The following MROH1 variants were observed in gnomAD, a reference collection of about 807,000 sequenced individuals.
MROH1 encodes maestro heat like repeat family member 1.
Under a neutral mutation model 116.5 loss-of-function variants are expected in MROH1, and 117 were observed. The ratio of observed to expected loss-of-function variants is 1.00; its 90% CI spans 0.86 to 1.17. The LOEUF (loss-of-function observed/expected upper bound fraction) is 1.17, where lower values mean the gene tolerates loss of function less well. Among genes scored for constraint, MROH1 ranks in the 50% most tolerant of loss-of-function variants. MROH1 has a pLI of 0.00. For missense variants in MROH1, 1,873 were observed against 1,338.5 expected (o/e 1.40, Z -6.23); for synonymous variants, 921 against 583.9 (o/e 1.58, Z -8.32).
intron 3 of MROH1, among the ~76,000 whole-genome samples, chr8:144,164,576 T>C (rs1820336242): frequency 1.3e-5 from 2 of 151,770 alleles, no homozygotes; most frequent in Admixed American, 1.3e-4. Flanking sequence ...AGAAGTATTT[T>C]TCATAGAGAT....
chr8:144,185,150 C>G (rs1034909463), intron 7 of MROH1, among the ~76,000 whole-genome samples: 1 of 152,310 alleles, frequency 6.6e-6, no homozygotes, highest in African/African-American at 2.4e-5. Flanking sequence ...TGCAGTGTGT[C>G]GCTCCTGCAG....
chr8:144,254,427 C>A (rs2133244247), intron 33 of MROH1: 1 of 185,682 alleles, frequency 5.4e-6, no homozygotes, highest in African/African-American at 2.3e-5. Flanking sequence ...GTGTTCTTGG[C>A]AGCACTGCCA....
chr8:144,158,461 T>C (rs1233573721), intron 1 of MROH1, among the ~76,000 whole-genome samples: 2 of 152,220 alleles, frequency 1.3e-5, no homozygotes, highest in Non-Finnish European at 2.9e-5. Context: ...CTCATTATTT[T>C]TTTCCTGCAC....
intron 7 of MROH1, among the ~76,000 whole-genome samples, chr8:144,185,564 G>A (rs1414793018): frequency 3.6e-5 from 5 of 137,632 alleles, no homozygotes; most frequent in Non-Finnish European, 7.7e-5. Flanking sequence ...TGAGAGGGGC[G>A]GTGAGGGGCG....
chr8:144,258,766 C>G lies in MROH1; in HGVS notation c.3792-11C>G. The stretch of plus-strand genomic sequence containing the variant: ...GTGCCCTACCAGCTGAGCACCCTGG[C>G]AATCCTGCAGCTCTGCAGTGGACAC... On this transcript the variant is annotated splice_polypyrimidine_tract_variant and intron_variant, in intron 35 of 43. Transcript: ENST00000326134. 1.3e-6 allele frequency: 1 copy of G among 764,174 alleles called. No homozygotes were observed. Among genetic ancestry groups the G allele is most frequent in the South Asian group, 1.4e-5 (1 of 71,964 alleles). The allele number at this position is 764,174 out of a possible 1,614,324, so 47.3% of individuals were successfully genotyped here.
intron 12 of MROH1, among the ~76,000 whole-genome samples, chr8:144,218,693 T>C (rs112284609): frequency 4.8e-3 from 75 of 15,768 alleles, no homozygotes; most frequent in South Asian, 0.013. Context: ...CTCCCCTCTC[T>C]CCTCCCCTCT....
intron 12 of MROH1, among the ~76,000 whole-genome samples, chr8:144,208,728 C>CT (rs1833416323): frequency 6.8e-6 from 1 of 147,984 alleles, no homozygotes; most frequent in Admixed American, 6.7e-5. Flanking sequence ...TTTTTTTTTT[C>CT]TTTTTTCTTT....
rs1842113252 is a variant in MROH1, at chr8:144,247,567, G to C, written c.3008G>C (p.Gly1003Ala). ...SLLYLQLGYE[G>A]FSRDYRDDVA... Reference sequence around the variant, plus strand: ...ACTGCTCATTCCTGCCGCCTCTCAGGCTTCTCCCGGGACTACCGCGATGAC... The same window carrying C: ...ACTGCTCATTCCTGCCGCCTCTCAGCCTTCTCCCGGGACTACCGCGATGAC... Residue 1003 changes from glycine to alanine, a missense_variant and splice_region_variant, in exon 31 of 44, where the codon GGC becomes GCC. By Grantham distance (60) the Gly-to-Ala change is moderately conservative. Transcript: ENST00000326134. 2.6e-6 allele frequency: 2 copies of C among 773,832 alleles called. No homozygotes were observed. The highest frequency in any genetic ancestry group is 2.7e-5 in the South Asian group (2 of 73,746). The allele number at this position is 773,832 out of a possible 1,614,324, so 47.9% of individuals were successfully genotyped here.
chr8:144,196,920 CCT>C (rs1830034025), intron 10 of MROH1, among the ~76,000 whole-genome samples: 1 of 151,904 alleles, frequency 6.6e-6, no homozygotes, highest in Non-Finnish European at 1.5e-5. Context: ...ATGGTGAAAC[CCT>C]GTCTCTACCA....
chr8:144,248,591 A>G (rs1418619084), intron 31 of MROH1, among the ~76,000 whole-genome samples: 2 of 152,194 alleles, frequency 1.3e-5, no homozygotes, highest in South Asian at 4.1e-4. Context: ...TTCACTGGTC[A>G]GAAGGAGCCT....
At chr8:144,186,771 G>T (rs111407382) in intron 7 of MROH1, among the ~76,000 whole-genome samples, 2,567 of 152,308 alleles carry the variant, frequency 0.017, 67 homozygotes, top group African/African-American at 0.056. Flanking sequence ...GAAACCACAT[G>T]GCCACTGCCC....
intron 4 of MROH1, among the ~76,000 whole-genome samples, chr8:144,178,514 C>G (rs994215661): frequency 1.3e-5 from 2 of 152,136 alleles, no homozygotes; most frequent in African/African-American, 4.8e-5. Context: ...GGTGATCCGC[C>G]CGCCTCGGCC....
chr8:144,240,605 C>T lies in MROH1; in HGVS notation c.1863C>T (p.Asn621=), dbSNP rs1035403464. 749 of 717,586 alleles carry T rather than the reference C, an allele frequency of 1.0e-3. 1 individual carries two copies. Among genetic ancestry groups the T allele is most frequent in the Non-Finnish European group, 1.7e-3 (646 of 384,936 alleles). 44.5% of individuals were successfully genotyped at this position (717,586 alleles called of 1,614,324 possible). A position where few individuals can be genotyped will look rare whatever the true frequency, so the allele number is the denominator to read the frequency against. The part of the protein sequence containing the change: ...LRDTLAIISD[N]AWICQLSLEL... Reference sequence around the variant, plus strand: ...ACACCCTGGCCATCATTTCTGACAACGCGTGGATCTGCCAGCTGAGCCTGG... The same window carrying T: ...ACACCCTGGCCATCATTTCTGACAATGCGTGGATCTGCCAGCTGAGCCTGG... Residue 621 remains asparagine (N), a synonymous_variant, in exon 20 of 44, where the codon AAC becomes AAT. Coordinates refer to ENST00000326134, the MANE Select transcript of MROH1 (RefSeq NM_032450.3).
At chr8:144,245,507 A>G (rs1841736136) in intron 29 of MROH1, among the ~76,000 whole-genome samples, 1 of 152,170 alleles carries the variant, frequency 6.6e-6, no homozygotes, top group South Asian at 2.1e-4. Context: ...CCAGGGCTTC[A>G]CTGTTGAGCG....
chr8:144,191,514 C>T (rs996563108), intron 8 of MROH1, among the ~76,000 whole-genome samples: 1 of 152,216 alleles, frequency 6.6e-6, no homozygotes, highest in Non-Finnish European at 1.5e-5. Flanking sequence ...CTCCTACAAA[C>T]CCCCTGGGCC....
At chr8:144,210,744 TAATG>T (rs1166799732) in intron 12 of MROH1, among the ~76,000 whole-genome samples, 1 of 152,244 alleles carries the variant, frequency 6.6e-6, no homozygotes, top group African/African-American at 2.4e-5. Context: ...ATAGAGATAA[TAATG>T]TATAAATATA....
rs1019119745 is a variant in MROH1, at chr8:144,242,187, C to T, written c.2179-182C>T. 5.8e-6 allele frequency: 4 copies of T among 688,978 alleles called. No homozygotes were observed. In the African/African-American group the frequency reaches 7.0e-5, roughly 12 times the overall value. The allele number at this position is 688,978 out of a possible 1,614,324, so 42.7% of individuals were successfully genotyped here. On this transcript the variant is annotated intron_variant, in intron 22 of 43. Transcript: ENST00000326134. ...TGGCTGCCTGTGCTCCTGCCCCTTG[C>T]AAAGAGGCTCTCCCCATCCCCAGAT...
Position 144,164,329 on chromosome 8 carries a change from C to T in MROH1, c.22+481C>T, listed in dbSNP as rs187251979. On this transcript the variant is annotated intron_variant, in intron 3 of 43. Transcript: ENST00000326134. Reference sequence around the variant, plus strand: ...CTGAGACAGGAGAATCGCTTGAACTCGGGAGGCGGAGGTTGCAGTGAGCCG... The same window carrying T: ...CTGAGACAGGAGAATCGCTTGAACTTGGGAGGCGGAGGTTGCAGTGAGCCG... Among the ~76,000 whole-genome samples, 844 of 146,870 alleles carry T rather than the reference C, an allele frequency of 5.7e-3. 7 individuals carry two copies. The highest frequency in any genetic ancestry group is 9.3e-3 in the Non-Finnish European group (623 of 67,072).
At chr8:144,249,784 C>T (rs1484115812) in intron 32 of MROH1, among the ~76,000 whole-genome samples, 2 of 152,246 alleles carry the variant, frequency 1.3e-5, no homozygotes, top group Admixed American at 6.5e-5. Flanking sequence ...CTTCCCGCCA[C>T]GTCCCCAGCC....
Sources: gnomAD v4.1 joint callset for allele counts (sites outside exome capture counted in the v4.1 genomes callset) on GRCh38, gnomAD v4.1.1 for gene constraint, MANE v1.5 for transcripts, NCBI Gene and HGNC (gene_info 2026-07-23, HGNC 2026-07-21) for gene names.